The following PMFBP1 variants were observed in gnomAD, a reference collection of about 807,000 sequenced individuals.
PMFBP1 encodes polyamine modulated factor 1 binding protein 1, also known as polyamine-modulated factor 1-binding protein 1.
PMFBP1 carries 131 observed loss-of-function variants against 137.8 expected under a neutral mutation model. That is an observed-to-expected ratio of 0.95 (90% CI 0.82 to 1.10). The LOEUF (loss-of-function observed/expected upper bound fraction) is 1.10, where lower values mean the gene tolerates loss of function less well. Among genes scored for constraint, PMFBP1 ranks in the 50% least tolerant of loss-of-function variants. The pLI, the probability that PMFBP1 is intolerant of heterozygous loss-of-function variation, is 0.00. For synonymous variants in PMFBP1, 490 were observed against 450.4 expected, an observed-to-expected ratio of 1.09 and a Z score of -1.11; for missense variants, 1,199 against 1,175.4, an observed-to-expected ratio of 1.02 and a Z score of -0.29.
the PMFBP1 span, among the ~76,000 whole-genome samples, chr16:72,199,108 C>A: frequency 2.0e-5 from 3 of 152,176 alleles, no homozygotes; most frequent in African/African-American, 7.2e-5. Flanking sequence ...GCATGCTTCC[C>A]GGGCTTAGCC....
chr16:72,202,615 T>C, the PMFBP1 span, among the ~76,000 whole-genome samples: 64 of 152,330 alleles, frequency 4.2e-4, no homozygotes, highest in African/African-American at 1.5e-3. Flanking sequence ...AGTTGGCACA[T>C]TATTGCAGAG....
At chr16:72,156,077 C>T (rs939773103) in intron 3 of PMFBP1, among the ~76,000 whole-genome samples, 5 of 152,164 alleles carry the variant, frequency 3.3e-5, no homozygotes, top group African/African-American at 9.7e-5. Context: ...ACCTCCACCT[C>T]CCCGGTTCAA....
At chr16:72,180,446 C>T (rs2043272180), upstream of PMFBP1, among the ~76,000 whole-genome samples, 1 of 152,120 alleles carries the variant, frequency 6.6e-6, no homozygotes, top group African/African-American at 2.4e-5. Flanking sequence ...TGGCAGAAGC[C>T]GTGTTGAGTT....
At chr16:72,217,176 G>T in the PMFBP1 span, among the ~76,000 whole-genome samples, 3 of 152,148 alleles carry the variant, frequency 2.0e-5, no homozygotes, top group Admixed American at 6.5e-5. Context: ...GAAGAGGGAA[G>T]GGTATGCTGG....
chr16:72,165,404 T>G (rs2043130277), intron 2 of PMFBP1, among the ~76,000 whole-genome samples: 3 of 151,934 alleles, frequency 2.0e-5, no homozygotes, highest in Admixed American at 2.0e-4. Context: ...CCAGTGCTTT[T>G]CTTTTCTTTC....
At chr16:72,133,748 C>T (rs549637074) in intron 9 of PMFBP1, among the ~76,000 whole-genome samples, 6 of 152,118 alleles carry the variant, frequency 3.9e-5, no homozygotes, top group Admixed American at 1.3e-4. Flanking sequence ...TAATTGGTCA[C>T]GGCCATGCCA....
At chr16:72,125,481 G>A in intron 15 of PMFBP1, 76 bp from the exon 16 acceptor site, 1 of 1,489,538 alleles carries the variant, frequency 6.7e-7, no homozygotes, top group Admixed American at 2.1e-5. Flanking sequence ...ATGGAGGAGG[G>A]TTCCAGTCCC....
chr16:72,127,705 G>A lies in PMFBP1; in HGVS notation c.2088+952C>T, dbSNP rs564423788. Among the ~76,000 whole-genome samples the A allele has an allele frequency of 1.7e-3, 254 of 152,278 alleles. 1 individual carries two copies. The highest frequency in any genetic ancestry group is 5.6e-3 in the African/African-American group (234 of 41,548). On this transcript the variant is annotated intron_variant, in intron 14 of 20. Coordinates refer to ENST00000237353, the MANE Select transcript of PMFBP1 (RefSeq NM_031293.3). ...AAGACCTACTCTCTCTGCTGTCAATGGTATTAGGTCTAGATGGTTTTATAG... is the reference window on the plus strand; with the variant it reads ...AAGACCTACTCTCTCTGCTGTCAATAGTATTAGGTCTAGATGGTTTTATAG...
the PMFBP1 span, among the ~76,000 whole-genome samples, chr16:72,219,506 G>A: frequency 3.3e-5 from 5 of 152,172 alleles, no homozygotes; most frequent in East Asian, 1.9e-4. Flanking sequence ...GATGGGGCCC[G>A]GCAGAAGACT....
the PMFBP1 span, among the ~76,000 whole-genome samples, chr16:72,216,514 A>T: frequency 6.6e-6 from 1 of 152,222 alleles, no homozygotes; most frequent in Admixed American, 6.5e-5. Flanking sequence ...CACACTAGAT[A>T]TAAGGTCTCC....
chr16:72,178,236 C>T (rs948594447), upstream of PMFBP1, among the ~76,000 whole-genome samples: 2 of 152,150 alleles, frequency 1.3e-5, no homozygotes, highest in African/African-American at 4.8e-5. Flanking sequence ...TGTATCATGT[C>T]AGGGATACAT....
At chr16:72,193,773 A>T in the PMFBP1 span, among the ~76,000 whole-genome samples, 58 of 151,770 alleles carry the variant, frequency 3.8e-4, no homozygotes, top group African/African-American at 1.4e-3. Context: ...AATGCATTCT[A>T]TTGAACAAAA....
Position 72,130,144 on chromosome 16 carries a change from T to C in PMFBP1, c.1782+69A>G, listed in dbSNP as rs147047644. 18 of 1,586,382 alleles carry C rather than the reference T, an allele frequency of 1.1e-5. No homozygotes were observed. The East Asian group carries it at 4.0e-4, about 36-fold the overall frequency. ...AGCTGAGATTACAGGTGTGAGCCAC[T>C]GCTCCTAGTCTGTGTTTTATCTTAA... On this transcript the variant is annotated intron_variant, in intron 12 of 20. Coordinates refer to ENST00000237353, the MANE Select transcript of PMFBP1 (RefSeq NM_031293.3).
At chr16:72,208,010 G>C in the PMFBP1 span, among the ~76,000 whole-genome samples, 1 of 152,196 alleles carries the variant, frequency 6.6e-6, no homozygotes, top group Non-Finnish European at 1.5e-5. Context: ...CAGATAGCCA[G>C]GCAGGAGAAG....
the PMFBP1 span, among the ~76,000 whole-genome samples, chr16:72,214,536 C>T: frequency 6.6e-6 from 1 of 152,100 alleles, no homozygotes; most frequent in African/African-American, 2.4e-5. Flanking sequence ...GTATGTGAGG[C>T]CAAATTCCAT....
the PMFBP1 span, among the ~76,000 whole-genome samples, chr16:72,245,230 A>G: frequency 1.3e-5 from 2 of 152,238 alleles, no homozygotes; most frequent in Non-Finnish European, 2.9e-5. Flanking sequence ...AAAAACAATT[A>G]TAACTAATAT....
intron 17 of PMFBP1, among the ~76,000 whole-genome samples, chr16:72,124,245 A>T (rs987314223): frequency 1.3e-5 from 2 of 152,224 alleles, no homozygotes; most frequent in Admixed American, 6.5e-5. Flanking sequence ...TCCTGGACTC[A>T]AGCAGTCCTC....
Position 72,154,270 on chromosome 16 carries a change from C to T in PMFBP1, c.355G>A (p.Glu119Lys). The change falls in exon 4 of 21, where the codon GAG (glutamate) becomes AAG (lysine). Residue 119 changes from glutamate (E) to lysine (K), a missense_variant. Glu to Lys is a moderately conservative substitution (Grantham distance 56). Transcript: ENST00000237353. The stretch of plus-strand genomic sequence containing the variant: ...AGAACCAGGTCGGAAGTCTGCTTCT[C>T]TAGGATGGACTGATACTGGCGGAGA... ...YSLRQYQSIL[E>K]KQTSDLVLLH... 2 of 1,614,108 alleles carry T rather than the reference C, an allele frequency of 1.2e-6. No homozygotes were observed. The highest frequency in any genetic ancestry group is 1.7e-6 in the Non-Finnish European group (2 of 1,180,000).
intron 3 of PMFBP1, among the ~76,000 whole-genome samples, chr16:72,156,787 T>G (rs1194579362): frequency 6.6e-6 from 1 of 152,160 alleles, no homozygotes; most frequent in African/African-American, 2.4e-5. Flanking sequence ...ATATTAGCCT[T>G]TGTGTGGGTA....
Sources: gnomAD v4.1 joint callset for allele counts (sites outside exome capture counted in the v4.1 genomes callset) on GRCh38, gnomAD v4.1.1 for gene constraint, MANE v1.5 for transcripts, NCBI Gene and HGNC (gene_info 2026-07-23, HGNC 2026-07-21) for gene names.